Variants in FOXP1 observed in about 807,000 individuals in gnomAD.
FOXP1 encodes the protein forkhead box protein P1.
Under a neutral mutation model 98.2 loss-of-function variants are expected in FOXP1, and 15 were observed. The observed-to-expected ratio is 0.15, with a 90% confidence interval of 0.10 to 0.24. The LOEUF (loss-of-function observed/expected upper bound fraction) is 0.24, where lower values mean the gene tolerates loss of function less well. Among genes scored for constraint, FOXP1 ranks in the 10% least tolerant of loss-of-function variants. The pLI, the probability that FOXP1 is intolerant of heterozygous loss-of-function variation, is 1.00. For synonymous variants in FOXP1, 371 were observed against 314.5 expected (o/e 1.18, Z -1.90); for missense variants, 633 against 848.5 (o/e 0.75, Z 3.15).
chr3:70,973,008 A>AGTATGAAACTGCCCTTT (rs2036603754), intron 17 of FOXP1, among the ~76,000 whole-genome samples: 1 of 152,168 alleles, frequency 6.6e-6, no homozygotes, highest in African/African-American at 2.4e-5. Flanking sequence ...ACACATGCAA[A>AGTATGAAACTGCCCTTT]GTATGAAACT....
chr3:71,098,786 T>C (rs1043494583), intron 7 of FOXP1, among the ~76,000 whole-genome samples: 2 of 152,248 alleles, frequency 1.3e-5, no homozygotes, highest in African/African-American at 4.8e-5. Flanking sequence ...CATTAATTCA[T>C]GTAAAATTCT....
At chr3:71,331,207 C>T (rs952457057) in intron 4 of FOXP1, among the ~76,000 whole-genome samples, 15 of 152,272 alleles carry the variant, frequency 9.9e-5, no homozygotes, top group African/African-American at 2.9e-4. Context: ...TGAGTGGGCT[C>T]GGCGGCCCCG....
At chr3:71,454,092 C>T (rs1050091665) in intron 3 of FOXP1, among the ~76,000 whole-genome samples, 1 of 152,168 alleles carries the variant, frequency 6.6e-6, no homozygotes, top group Non-Finnish European at 1.5e-5. Flanking sequence ...TCTTACCACC[C>T]TCTGCACCCC....
At chr3:71,452,404 C>T (rs1358027282) in intron 3 of FOXP1, among the ~76,000 whole-genome samples, 3 of 152,098 alleles carry the variant, frequency 2.0e-5, no homozygotes, top group Non-Finnish European at 4.4e-5. Flanking sequence ...AGGTGATTCA[C>T]GTACAATGAT....
chr3:71,384,115 A>T (rs900431214), intron 3 of FOXP1, among the ~76,000 whole-genome samples: 2 of 152,150 alleles, frequency 1.3e-5, no homozygotes, highest in Non-Finnish European at 2.9e-5. Context: ...GTTATGTGGG[A>T]GGCTGAGGCA....
intron 2 of FOXP1, among the ~76,000 whole-genome samples, chr3:71,547,116 C>A (rs2045425029): frequency 1.3e-5 from 2 of 152,150 alleles, no homozygotes; most frequent in South Asian, 4.1e-4. Flanking sequence ...CAAAAAGGTT[C>A]AAGGGGGAAT....
chr3:71,228,500 C>T (rs571610527), intron 5 of FOXP1, among the ~76,000 whole-genome samples: 6 of 152,046 alleles, frequency 3.9e-5, no homozygotes, highest in East Asian at 3.9e-4. Flanking sequence ...ACTCTTTTTT[C>T]GTTAAATACA....
At chr3:71,111,523 T>C (rs1223082903) in intron 7 of FOXP1, among the ~76,000 whole-genome samples, 1 of 152,028 alleles carries the variant, frequency 6.6e-6, no homozygotes, top group African/African-American at 2.4e-5. Flanking sequence ...TCAGCCTCCC[T>C]AGTAGCTGGG....
At chr3:71,021,636 T>A (rs2045459222) in intron 11 of FOXP1, among the ~76,000 whole-genome samples, 1 of 152,244 alleles carries the variant, frequency 6.6e-6, no homozygotes, top group Admixed American at 6.5e-5. Context: ...AAGCACTTTA[T>A]ATTCTCACCA....
intron 5 of FOXP1, among the ~76,000 whole-genome samples, chr3:71,243,701 G>T (rs1358051576): frequency 6.6e-6 from 1 of 152,078 alleles, no homozygotes; most frequent in African/African-American, 2.4e-5. Context: ...TATTTATTAT[G>T]ATTAATAGCC....
At chr3:71,096,904 ATCT>A in intron 7 of FOXP1, among the ~76,000 whole-genome samples, 1 of 152,268 alleles carries the variant, frequency 6.6e-6, no homozygotes, top group African/African-American at 2.4e-5. Flanking sequence ...CATTACACCT[ATCT>A]TAATGCACGG....
intron 5 of FOXP1, among the ~76,000 whole-genome samples, chr3:71,244,206 C>T (rs1237123548): frequency 6.6e-6 from 1 of 152,116 alleles, no homozygotes; most frequent in East Asian, 1.9e-4. Context: ...TTATCCAAAC[C>T]TAACGAGTCC....
At chr3:71,458,645 T>G (rs2087728081) in intron 3 of FOXP1, among the ~76,000 whole-genome samples, 1 of 152,226 alleles carries the variant, frequency 6.6e-6, no homozygotes, top group Non-Finnish European at 1.5e-5. Context: ...ACTCTACATC[T>G]TTATTCAAAT....
At chr3:71,105,682 A>G (rs960648027) in intron 7 of FOXP1, among the ~76,000 whole-genome samples, 2 of 152,178 alleles carry the variant, frequency 1.3e-5, no homozygotes, top group African/African-American at 4.8e-5. Context: ...GACGCTCATA[A>G]GAGCACTTCA....
intron 3 of FOXP1, among the ~76,000 whole-genome samples, chr3:71,439,401 A>G (rs950667756): frequency 6.6e-6 from 1 of 152,192 alleles, no homozygotes; most frequent in Non-Finnish European, 1.5e-5. Context: ...AGTGCATTCT[A>G]TTTCTTTCAG....
chr3:71,179,505 G>T (rs2062159151), intron 6 of FOXP1, among the ~76,000 whole-genome samples: 1 of 152,170 alleles, frequency 6.6e-6, no homozygotes. Flanking sequence ...ATTAGCCCAT[G>T]AATGATGCCA....
chr3:71,131,549 G>A (rs930981829), intron 6 of FOXP1, among the ~76,000 whole-genome samples: 2 of 152,110 alleles, frequency 1.3e-5, no homozygotes, highest in African/African-American at 2.4e-5. Flanking sequence ...GCTAATACTC[G>A]GCTAAAATAA....
chr3:71,077,901 C>T (rs959503992), intron 7 of FOXP1, among the ~76,000 whole-genome samples: 3 of 150,982 alleles, frequency 2.0e-5, no homozygotes, highest in Non-Finnish European at 4.4e-5. Flanking sequence ...GGCGTGATCT[C>T]GGCTCACCGC....
intron 6 of FOXP1, chr3:71,130,845 C>T: frequency 7.0e-7 from 1 of 1,431,214 alleles, no homozygotes; most frequent in Non-Finnish European, 9.1e-7. Flanking sequence ...GCATTTAGCA[C>T]TTAAAGAAAT....
Sources: allele counts gnomAD v4.1 joint callset (sites outside exome capture counted in the v4.1 genomes callset), GRCh38; gene constraint gnomAD v4.1.1; transcripts MANE v1.5; gene names NCBI Gene and HGNC (gene_info 2026-07-23, HGNC 2026-07-21).